PDE8B: variants seen among roughly 807,000 people sequenced by gnomAD.
PDE8B encodes the protein high affinity cAMP-specific and IBMX-insensitive 3',5'-cyclic phosphodiesterase 8B.
Under a neutral mutation model 101.3 loss-of-function variants are expected in PDE8B, and 26 were observed. The ratio of observed to expected loss-of-function variants is 0.26; its 90% CI spans 0.19 to 0.36. The LOEUF is 0.36. Among genes scored for constraint, PDE8B ranks in the 10% least tolerant of loss-of-function variants. The pLI, the probability that PDE8B is intolerant of heterozygous loss-of-function variation, is 1.00. For missense variants in PDE8B, 810 were observed against 1,163.1 expected, an observed-to-expected ratio of 0.70 and a Z score of 4.42; for synonymous variants, 424 against 429.3, an observed-to-expected ratio of 0.99 and a Z score of 0.15.
chr5:77,100,571 G>A, the PDE8B span, among the ~76,000 whole-genome samples: 1 of 152,204 alleles, frequency 6.6e-6, no homozygotes, highest in East Asian at 1.9e-4. Context: ...GACAGATCCG[G>A]TGGGAGGGGA....
the PDE8B span, chr5:77,139,889 A>G: frequency 6.6e-6 from 1 of 152,172 alleles, no homozygotes; most frequent in East Asian, 1.9e-4. Context: ...TTTTATAATC[A>G]TCTGTGGCTT....
the PDE8B span, among the ~76,000 whole-genome samples, chr5:77,110,617 A>T: frequency 2.0e-5 from 3 of 152,332 alleles, 1 homozygote; most frequent in South Asian, 6.2e-4. Flanking sequence ...GAGCAAATAG[A>T]TACAAGCTGC....
At chr5:77,153,024 TG>T in the PDE8B span, among the ~76,000 whole-genome samples, 1 of 152,120 alleles carries the variant, frequency 6.6e-6, no homozygotes, top group Non-Finnish European at 1.5e-5. Context: ...TTGCAACACT[TG>T]GAGGGATTTT....
At chr5:77,347,919 T>TA (rs1170121309) in intron 7 of PDE8B, among the ~76,000 whole-genome samples, 1 of 152,146 alleles carries the variant, frequency 6.6e-6, no homozygotes, top group Admixed American at 6.6e-5. Context: ...GAGCAGGGGC[T>TA]ACGCTGTAAG....
At chr5:77,311,090 G>A (rs1447217364) in intron 1 of PDE8B, among the ~76,000 whole-genome samples, 1 of 152,140 alleles carries the variant, frequency 6.6e-6, no homozygotes, top group Non-Finnish European at 1.5e-5. Flanking sequence ...CAAGGGGCCA[G>A]TACAGAGTGT....
the PDE8B span, among the ~76,000 whole-genome samples, chr5:77,109,023 G>A: frequency 7.2e-4 from 109 of 152,206 alleles, no homozygotes; most frequent in Non-Finnish European, 1.4e-3. Flanking sequence ...GTCAGATAGA[G>A]TGGGGTTTGG....
At chr5:77,369,448 G>A (rs563935851) in intron 10 of PDE8B, among the ~76,000 whole-genome samples, 25 of 152,058 alleles carry the variant, frequency 1.6e-4, no homozygotes, top group African/African-American at 1.7e-4. Context: ...GTGCTGGACC[G>A]AGGTGACATA....
intron 10 of PDE8B, among the ~76,000 whole-genome samples, chr5:77,374,193 C>T (rs544516121): frequency 6.6e-6 from 1 of 152,196 alleles, no homozygotes; most frequent in South Asian, 2.1e-4. Flanking sequence ...AGTAATATAG[C>T]CATTCCAGCC....
intron 1 of PDE8B, among the ~76,000 whole-genome samples, chr5:77,217,221 C>A (rs1167894435): frequency 6.6e-6 from 1 of 152,134 alleles, no homozygotes; most frequent in Non-Finnish European, 1.5e-5. Context: ...CTATCCTGAA[C>A]TCAAAGCCCA....
At chr5:77,327,867 C>A (rs970012970) in intron 3 of PDE8B, among the ~76,000 whole-genome samples, 18 of 152,034 alleles carry the variant, frequency 1.2e-4, no homozygotes, top group Admixed American at 1.2e-3. Flanking sequence ...TTTCCGGGAG[C>A]CTTCCCCCCA....
chr5:77,105,844 A>G, the PDE8B span: 1 of 152,090 alleles, frequency 6.6e-6, no homozygotes, highest in Admixed American at 6.6e-5. Context: ...TGGTTGTTCT[A>G]GTGGGTGTGA....
chr5:77,217,154 G>A (rs1187168277), intron 1 of PDE8B, among the ~76,000 whole-genome samples: 1 of 151,914 alleles, frequency 6.6e-6, no homozygotes, highest in Non-Finnish European at 1.5e-5. Flanking sequence ...TCTGTCCCCT[G>A]ACTGCTGATA....
At chr5:77,301,578 C>T (rs1337308929) in intron 1 of PDE8B, among the ~76,000 whole-genome samples, 2 of 152,184 alleles carry the variant, frequency 1.3e-5, no homozygotes, top group Non-Finnish European at 1.5e-5. Context: ...TGCTTGTTCT[C>T]TATTACACAA....
At chr5:77,323,029 C>T (rs1775381869) in intron 2 of PDE8B, among the ~76,000 whole-genome samples, 1 of 152,156 alleles carries the variant, frequency 6.6e-6, no homozygotes. Flanking sequence ...CATAATTCAG[C>T]CAGACAGGTG....
At chr5:77,422,960 A>G (rs1440008833) in intron 20 of PDE8B, among the ~76,000 whole-genome samples, 4 of 152,196 alleles carry the variant, frequency 2.6e-5, no homozygotes, top group Non-Finnish European at 5.9e-5. Flanking sequence ...CTAATGATCC[A>G]TGGCTCAAGT....
intron 11 of PDE8B, 84 bp from the exon 12 acceptor site, chr5:77,404,636 A>T: frequency 1.2e-6 from 1 of 833,346 alleles, no homozygotes; most frequent in Non-Finnish European, 2.1e-6. Flanking sequence ...TTTTCTTTAG[A>T]GAATAAAGAA....
intron 10 of PDE8B, among the ~76,000 whole-genome samples, chr5:77,398,789 G>T (rs541345384): frequency 6.6e-6 from 1 of 152,306 alleles, no homozygotes; most frequent in African/African-American, 2.4e-5. Context: ...TCACGGGGTG[G>T]TCCACAATCA....
intron 1 of PDE8B, among the ~76,000 whole-genome samples, chr5:77,309,231 G>A (rs1221307658): frequency 8.4e-5 from 11 of 130,916 alleles, no homozygotes; most frequent in African/African-American, 3.0e-4. Context: ...GGAGGGAGGG[G>A]AGGGAGGGGT....
chr5:77,311,890 A>G (rs541048631), intron 1 of PDE8B, 104 bp from the exon 2 acceptor site: 6 of 916,654 alleles, frequency 6.5e-6, no homozygotes, highest in African/African-American at 1.6e-5. Context: ...GGATTCTTCA[A>G]TTTAGTGCAC....
Sources: allele counts gnomAD v4.1 joint callset (sites outside exome capture counted in the v4.1 genomes callset), GRCh38; gene constraint gnomAD v4.1.1; transcripts MANE v1.5; gene names NCBI Gene and HGNC (gene_info 2026-07-23, HGNC 2026-07-21).